Variants in ZFAND6 observed in about 807,000 individuals in gnomAD.
The protein encoded by ZFAND6 is zinc finger AN1-type containing 6.
A neutral mutation model predicts 24.5 loss-of-function variants in ZFAND6; 12 were observed. The ratio of observed to expected loss-of-function variants is 0.49; its 90% CI spans 0.31 to 0.79. ZFAND6 has a LOEUF of 0.79. Ranked by LOEUF, ZFAND6 falls within the 30% of genes least tolerant of loss-of-function variation. The probability of loss-of-function intolerance (pLI) is 0.04; values close to 1 mark genes in which losing one functional copy is unlikely to be tolerated. For missense variants in ZFAND6, 207 were observed against 245.9 expected, an observed-to-expected ratio of 0.84 and a Z score of 1.06; for synonymous variants, 92 against 81.5, an observed-to-expected ratio of 1.13 and a Z score of -0.69.
intron 3 of ZFAND6, 47 bp from the exon 4 acceptor site, chr15:80,121,665 C>T (rs780580310): frequency 1.3e-6 from 2 of 1,521,252 alleles, no homozygotes; most frequent in Non-Finnish European, 1.8e-6. Context: ...AGGTCTTAGA[C>T]TGCTGAGCAT....
chr15:80,062,301 C>T (rs998686706), intron 1 of ZFAND6, among the ~76,000 whole-genome samples: 1 of 152,140 alleles, frequency 6.6e-6, no homozygotes, highest in Non-Finnish European at 1.5e-5. Flanking sequence ...GCATTAGGAC[C>T]AAGGTGTTAT....
At chr15:80,061,659 A>C (rs1427833668) in intron 1 of ZFAND6, among the ~76,000 whole-genome samples, 1 of 152,162 alleles carries the variant, frequency 6.6e-6, no homozygotes, top group Admixed American at 6.5e-5. Context: ...TCATTGCTTT[A>C]TGATATGTTA....
At chr15:80,111,642 A>C (rs1023826304) in intron 2 of ZFAND6, 3 of 347,394 alleles carry the variant, frequency 8.6e-6, no homozygotes, top group South Asian at 4.5e-5. Flanking sequence ...AATTTTTCTC[A>C]TAAGTTTTTA....
At chr15:80,111,695 T>C (rs371605279) in intron 2 of ZFAND6, 15 of 283,834 alleles carry the variant, frequency 5.3e-5, no homozygotes, top group Non-Finnish European at 8.5e-5. Context: ...CTTACCACTT[T>C]GTGCTGTGGT....
At chr15:80,126,421 A>G (rs951995734) in intron 5 of ZFAND6, among the ~76,000 whole-genome samples, 1 of 152,206 alleles carries the variant, frequency 6.6e-6, no homozygotes, top group Non-Finnish European at 1.5e-5. Flanking sequence ...ACTGTGTTGT[A>G]CCGGCATGAG....
intron 2 of ZFAND6, among the ~76,000 whole-genome samples, chr15:80,119,399 G>A (rs1258105938): frequency 6.6e-6 from 1 of 151,924 alleles, no homozygotes; most frequent in Admixed American, 6.6e-5. Flanking sequence ...CACCATCCTG[G>A]GATATGCTCA....
At chr15:80,059,383 A>G (rs1174368430), upstream of ZFAND6, among the ~76,000 whole-genome samples, 5 of 152,210 alleles carry the variant, frequency 3.3e-5, no homozygotes, top group African/African-American at 1.2e-4. Flanking sequence ...AGGTAGAGAA[A>G]CCGCGGCGGG....
At chr15:80,131,816 A>G (rs149216787) in intron 6 of ZFAND6, among the ~76,000 whole-genome samples, 119 of 152,366 alleles carry the variant, frequency 7.8e-4, no homozygotes, top group Admixed American at 1.5e-3. Context: ...CAAAGAAAGT[A>G]CATGAAGTGC....
intron 1 of ZFAND6, among the ~76,000 whole-genome samples, chr15:80,087,453 G>C (rs2038073067): frequency 6.6e-6 from 1 of 152,186 alleles, no homozygotes; most frequent in South Asian, 2.1e-4. Flanking sequence ...TTTTCTGACT[G>C]TAGCCTCCTG....
chr15:80,063,205 G>GT (rs2036426969), intron 1 of ZFAND6, among the ~76,000 whole-genome samples: 1 of 151,866 alleles, frequency 6.6e-6, no homozygotes, highest in African/African-American at 2.4e-5. Context: ...AAATTTTCTG[G>GT]TAGCCACATT....
Position 80,131,264 on chromosome 15 carries a change from T to G in ZFAND6, c.449T>G (p.Phe150Cys). The G allele has an allele frequency of 1.2e-6, 2 of 1,613,260 alleles. No homozygotes were observed. The highest frequency in any genetic ancestry group is 1.7e-6 in the Non-Finnish European group (2 of 1,179,488). ...EKPKQKKNRC[F>C]MCRKKVGLTG... is the part of the protein sequence containing the mutation. Reference sequence around the variant, plus strand: ...CCGAAACAAAAAAAGAATCGCTGTTTCATGTGCAGGAAGAAAGTGGGACTT... The same window carrying G: ...CCGAAACAAAAAAAGAATCGCTGTTGCATGTGCAGGAAGAAAGTGGGACTT... The change falls in exon 6 of 7, where the codon TTC becomes TGC. Residue 150 changes from phenylalanine to cysteine, a missense_variant. Around this residue, in one of 3 missense-constraint regions of ZFAND6, gnomAD observed 133 missense variants for 122.8 expected, o/e 1.08. Transcript: ENST00000261749.
At chr15:80,066,219 A>G (rs112293959) in intron 1 of ZFAND6, among the ~76,000 whole-genome samples, 2,624 of 152,028 alleles carry the variant, frequency 0.017, 37 homozygotes, top group Non-Finnish European at 0.03. Context: ...TGCTAATTGG[A>G]TGATCTGAGA....
chr15:80,129,317 G>A (rs532470336), intron 5 of ZFAND6, among the ~76,000 whole-genome samples: 4 of 152,354 alleles, frequency 2.6e-5, no homozygotes, highest in African/African-American at 9.6e-5. Flanking sequence ...ATGTCTGAGT[G>A]GAGTAACATG....
At chr15:80,099,618 C>CTTTTTTTTT (rs3082079) in intron 2 of ZFAND6, among the ~76,000 whole-genome samples, 6,873 of 108,690 alleles carry the variant, frequency 0.063, 855 homozygotes, top group East Asian at 0.13. Flanking sequence ...TATGGATATC[C>CTTTTTTTTT]TTTTTTTTTT....
Position 80,117,226 on chromosome 15 carries a change from T to C in ZFAND6, c.-17-3102T>C, listed in dbSNP as rs181504617. ...ATTTACAAAAATATCTACTGAATACTCTTTTTTTTTTTTTGAGACGGAGTC... is the reference window on the plus strand; with the variant it reads ...ATTTACAAAAATATCTACTGAATACCCTTTTTTTTTTTTTGAGACGGAGTC... On this transcript the variant is annotated intron_variant, in intron 2 of 6. Coordinates refer to ENST00000261749, the MANE Select transcript of ZFAND6 (RefSeq NM_019006.4). 4.9e-3 allele frequency among the ~76,000 whole-genome samples: 736 copies of C among 150,244 alleles called. 4 individuals are homozygous for C. The highest frequency in any genetic ancestry group is 0.018 in the African/African-American group (716 of 40,706).
chr15:80,068,427 A>C (rs928004127), intron 1 of ZFAND6, among the ~76,000 whole-genome samples: 1 of 151,862 alleles, frequency 6.6e-6, no homozygotes, highest in Non-Finnish European at 1.5e-5. Context: ...GCTGGAGTAC[A>C]GTGGCACGAT....
intron 2 of ZFAND6, among the ~76,000 whole-genome samples, chr15:80,109,593 T>C (rs1214705481): frequency 1.3e-5 from 2 of 152,160 alleles, no homozygotes; most frequent in East Asian, 1.9e-4. Context: ...GAGGAAGTCA[T>C]GTAATGGGGG....
intron 2 of ZFAND6, among the ~76,000 whole-genome samples, chr15:80,107,270 G>A (rs1301577188): frequency 6.6e-6 from 1 of 152,198 alleles, no homozygotes; most frequent in East Asian, 1.9e-4. Flanking sequence ...TACTCAGCAA[G>A]TGAAACTGGT....
chr15:80,096,425 T>C (rs747228473), intron 1 of ZFAND6, among the ~76,000 whole-genome samples: 23 of 152,216 alleles, frequency 1.5e-4, no homozygotes, highest in East Asian at 3.8e-4. Context: ...TTTTAACTTA[T>C]TATGATAGAA....
Sources: gnomAD v4.1 joint callset for allele counts (sites outside exome capture counted in the v4.1 genomes callset) on GRCh38, gnomAD v4.1.1 for gene constraint, gnomAD v4.1.1 regional missense constraint, MANE v1.5 for transcripts, NCBI Gene and HGNC (gene_info 2026-07-23, HGNC 2026-07-21) for gene names.